UBAP2L: variants seen among roughly 807,000 people sequenced by gnomAD.
UBAP2L encodes ubiquitin associated protein 2 like.
Under a neutral mutation model 130.6 loss-of-function variants are expected in UBAP2L, and 12 were observed. That is an observed-to-expected ratio of 0.09 (90% confidence interval 0.06 to 0.15). UBAP2L has a LOEUF of 0.15. Among genes scored for constraint, UBAP2L ranks in the 10% least tolerant of loss-of-function variants. The pLI, the probability that UBAP2L is intolerant of heterozygous loss-of-function variation, is 1.00. For missense variants in UBAP2L, 965 were observed against 1,332.5 expected, an observed-to-expected ratio of 0.72 and a Z score of 4.29; for synonymous variants, 503 against 524.7, an observed-to-expected ratio of 0.96 and a Z score of 0.57.
intron 7 of UBAP2L, 76 bp from the exon 8 acceptor site, chr1:154,236,948 A>C (rs1671887609): frequency 8.9e-7 from 1 of 1,124,132 alleles, no homozygotes; most frequent in African/African-American, 1.5e-5. Flanking sequence ...GGATGCAGTC[A>C]AGATTTTGAT....
intron 25 of UBAP2L, 67 bp from the exon 26 acceptor site, chr1:154,268,690 T>C: frequency 1.3e-6 from 2 of 1,536,620 alleles, no homozygotes; most frequent in Non-Finnish European, 8.9e-7. Context: ...GAGCTTGAGC[T>C]CAGGAAAAAT....
Position 154,266,508 on chromosome 1 carries a change from A to G in UBAP2L, c.2910A>G (p.Ser970=). Residue 970 remains serine, a synonymous_variant, in exon 25 of 27, where the codon TCA becomes TCG. Coordinates refer to ENST00000428931, the MANE Select transcript of UBAP2L (RefSeq NM_014847.4). Reference sequence around the variant, plus strand: ...TGTTTCCTCCTCCCCCAGGTGTTTCAGTCACCTCCAGTAACACGGGCGTGC... The same window carrying G: ...TGTTTCCTCCTCCCCCAGGTGTTTCGGTCACCTCCAGTAACACGGGCGTGC... The part of the protein sequence containing the change: ...YGSHGYNTGV[S]VTSSNTGVPD... The G allele has an allele frequency of 6.2e-7, 1 of 1,614,144 alleles. No homozygotes were observed. Among genetic ancestry groups the G allele is most frequent in the Non-Finnish European group, 8.5e-7 (1 of 1,180,014 alleles).
At chr1:154,250,482 G>A (rs2633434) in intron 12 of UBAP2L, among the ~76,000 whole-genome samples, 8,953 of 152,138 alleles carry the variant, frequency 0.059, 910 homozygotes, top group African/African-American at 0.2. Context: ...GAGAACTTGC[G>A]GTACTTTAAA....
Position 154,255,222 on chromosome 1 carries a change from A to G in UBAP2L, c.1980A>G (p.Val660=), listed in dbSNP as rs1291662868. The G allele has an allele frequency of 6.2e-7, 1 of 1,614,222 alleles. No homozygotes were observed. The highest frequency in any genetic ancestry group is 8.5e-7 in the Non-Finnish European group (1 of 1,180,034). The part of the protein sequence containing the change: ...TSSIPPLNET[V]SAASLLTTTN... ...GCATCCCCCCTCTCAATGAAACGGT[A>G]TCTGCAGCTTCCTTACTGACGACAA... The change falls in exon 17 of 27, where the codon GTA becomes GTG. Residue 660 remains valine (V), a synonymous_variant. Coordinates refer to ENST00000428931, the MANE Select transcript of UBAP2L (RefSeq NM_014847.4).
At chr1:154,220,700 T>G, upstream of UBAP2L, 1 of 450,006 alleles carries the variant, frequency 2.2e-6, no homozygotes, top group Non-Finnish European at 4.1e-6. Context: ...GCGGCGGCCA[T>G]CCGTGCGTCA....
chr1:154,227,680 G>A (rs1414714775), intron 3 of UBAP2L, among the ~76,000 whole-genome samples: 1 of 151,654 alleles, frequency 6.6e-6, no homozygotes, highest in African/African-American at 2.4e-5. Flanking sequence ...CCGAGTAGTT[G>A]GGATTACAGG....
intron 1 of UBAP2L, among the ~76,000 whole-genome samples, chr1:154,222,355 T>C (rs987525406): frequency 6.6e-6 from 1 of 152,208 alleles, no homozygotes; most frequent in African/African-American, 2.4e-5. Context: ...ATCCCAATGA[T>C]TACAGAGAAT....
chr1:154,242,833 G>C (rs1394865691), intron 9 of UBAP2L: 1 of 153,250 alleles, frequency 6.5e-6, no homozygotes, highest in Non-Finnish European at 1.5e-5. Context: ...TTTGGGAGGG[G>C]TGGGGCTGTG....
In UBAP2L at chr1:154,237,208, C is replaced by T. The variant is rs894687385; in HGVS notation, c.703+72C>T. 6.7e-6 allele frequency: 9 copies of T among 1,344,842 alleles called. No individual in the cohort carries two copies. The African/African-American group carries it at 8.6e-5, about 13-fold the overall frequency. 83.3% of individuals were successfully genotyped at this position (1,344,842 alleles called of 1,614,324 possible). A position where few individuals can be genotyped will look rare whatever the true frequency, so the allele number is the denominator to read the frequency against. ...AAATAGTTTTTTCTGATTATACTTA[C>T]ATTAAAACGTGGAAGAATAGTGTTT... On this transcript the variant is annotated intron_variant, in intron 8 of 26. Transcript: ENST00000428931.
At chr1:154,257,491 TA>T (rs1680028641) in intron 20 of UBAP2L, 57 bp downstream of exon 20, 2 of 1,593,074 alleles carry the variant, frequency 1.3e-6, no homozygotes, top group Non-Finnish European at 1.7e-6. Flanking sequence ...CTACTCTTTT[TA>T]TAGCTCTGGC....
At position 154,251,476 on chromosome 1, in the gene UBAP2L, T is replaced by C. The variant is rs373700934; in HGVS notation, c.1492-5T>C. ...ATTACTTTCTCTTCTCCTTCAACTT[T>C]ATAGATTCCTGCTCTGGCTGTGGAG... On this transcript the variant is annotated splice_polypyrimidine_tract_variant and splice_region_variant and intron_variant, in intron 13 of 26. Transcript: ENST00000428931. 3 of 1,613,124 alleles carry C rather than the reference T, an allele frequency of 1.9e-6. No individual in the cohort carries two copies. Among genetic ancestry groups the C allele is most frequent in the Non-Finnish European group, 2.5e-6 (3 of 1,179,806 alleles).
chr1:154,232,273 G>A (rs1388733025), intron 4 of UBAP2L, among the ~76,000 whole-genome samples: 1 of 150,742 alleles, frequency 6.6e-6, no homozygotes, highest in Non-Finnish European at 1.5e-5. Context: ...GCAGTGAGCC[G>A]AGATCGCACC....
chr1:154,270,648 G>A lies in UBAP2L; in HGVS notation c.*353G>A, dbSNP rs1194149954. The A allele has an allele frequency of 1.4e-6, 2 of 1,406,782 alleles. No homozygotes were observed. The highest frequency in any genetic ancestry group is 2.6e-5 in the East Asian group (1 of 37,976). 87.1% of individuals were successfully genotyped at this position (1,406,782 alleles called of 1,614,324 possible). ...AGGTGGGACCCCCAAACATATATCAGCCCAACAGCCCTAAGTCTCCTTCTT... is the reference window on the plus strand; with the variant it reads ...AGGTGGGACCCCCAAACATATATCAACCCAACAGCCCTAAGTCTCCTTCTT... On this transcript the variant is annotated 3_prime_UTR_variant, in exon 27 of 27. Coordinates refer to ENST00000428931, the MANE Select transcript of UBAP2L (RefSeq NM_014847.4).
chr1:154,266,394 C>G, intron 24 of UBAP2L, 107 bp from the exon 25 acceptor site: 1 of 1,217,676 alleles, frequency 8.2e-7, no homozygotes, highest in South Asian at 1.2e-5. Flanking sequence ...GACCAAAATT[C>G]CCTTGCATTG....
chr1:154,270,129 G>A (rs568923664), intron 26 of UBAP2L, 71 bp from the exon 27 acceptor site: 2 of 1,503,326 alleles, frequency 1.3e-6, no homozygotes, highest in South Asian at 2.7e-5. Flanking sequence ...ATCTCCACCT[G>A]AAGATGTTAC....
Position 154,259,036 on chromosome 1 carries a change from T to C in UBAP2L, c.2496+6T>C. ...TTCAGACAAGATTTCCATTGGTGAG[T>C]ATGTGGGATAGAGCTTTGGAAAAGA... On this transcript the variant is annotated splice_donor_region_variant and intron_variant, in intron 21 of 26. Coordinates refer to ENST00000428931, the MANE Select transcript of UBAP2L (RefSeq NM_014847.4). 1 of 1,613,148 alleles carries C rather than the reference T, an allele frequency of 6.2e-7. No individual in the cohort carries two copies. Among genetic ancestry groups the C allele is most frequent in the Non-Finnish European group, 8.5e-7 (1 of 1,179,174 alleles).
At chr1:154,229,784 A>G (rs1669201571) in intron 4 of UBAP2L, among the ~76,000 whole-genome samples, 1 of 152,138 alleles carries the variant, frequency 6.6e-6, no homozygotes, top group Admixed American at 6.6e-5. Flanking sequence ...TTTTGAAATC[A>G]TTTTCATTTA....
At position 154,270,395 on chromosome 1, in the gene UBAP2L, G is replaced by T; in HGVS notation, c.*100G>T. The T allele has an allele frequency of 6.4e-7, 1 of 1,552,184 alleles. No homozygotes were observed. ...AGAGAAAGGAATGTGGGGGGTTTCC[G>T]CTGCCCCCCACCCCCAGCGGCCCAC... is the stretch of plus-strand genomic sequence containing the variant. On this transcript the variant is annotated 3_prime_UTR_variant, in exon 27 of 27. Coordinates refer to ENST00000428931, the MANE Select transcript of UBAP2L (RefSeq NM_014847.4).
rs1409872466 is a variant in UBAP2L at position 154,268,962 on chromosome 1, C to A, written c.3168+8C>A. On this transcript the variant is annotated splice_region_variant and intron_variant, in intron 26 of 26. Coordinates refer to ENST00000428931, the MANE Select transcript of UBAP2L (RefSeq NM_014847.4). The stretch of plus-strand genomic sequence containing the variant: ...CTGCAGCAGGATGGCCAGGTAATAG[C>A]CCTTCCCCTTCTCTCCTTTCCCTTC... 3.7e-6 allele frequency: 6 copies of A among 1,611,756 alleles called. No individual in the cohort carries two copies. The highest frequency in any genetic ancestry group is 5.1e-6 in the Non-Finnish European group (6 of 1,178,620).
Sources: allele counts gnomAD v4.1 joint callset (sites outside exome capture counted in the v4.1 genomes callset), GRCh38; gene constraint gnomAD v4.1.1; transcripts MANE v1.5; gene names NCBI Gene and HGNC (gene_info 2026-07-23, HGNC 2026-07-21).